Variants in ASXL2 observed in about 807,000 individuals in gnomAD.
ASXL2 encodes ASXL transcriptional regulator 2, also known as putative Polycomb group protein ASXL2.
ASXL2 carries 23 observed loss-of-function variants against 122.0 expected under a neutral mutation model. The ratio of observed to expected loss-of-function variants is 0.19; its 90% CI spans 0.14 to 0.27. The LOEUF is 0.27. ASXL2 is among the 10% of genes least tolerant of loss of function. The pLI is 1.00. For synonymous variants in ASXL2, 650 were observed against 637.0 expected, an observed-to-expected ratio of 1.02 and a Z score of -0.31; for missense variants, 1,518 against 1,713.8, an observed-to-expected ratio of 0.89 and a Z score of 2.02.
At chr2:25,840,559 A>T (rs572217852) in intron 2 of ASXL2, among the ~76,000 whole-genome samples, 1 of 152,176 alleles carries the variant, frequency 6.6e-6, no homozygotes, top group Admixed American at 6.5e-5. Context: ...GGTAACCTCT[A>T]TTCTACTTTC....
At position 25,742,447 on chromosome 2, in the gene ASXL2, G is replaced by A. The variant is rs1228376665; in HGVS notation, c.3890C>T (p.Pro1297Leu). 5 of 1,611,582 alleles carry A rather than the reference G, an allele frequency of 3.1e-6. No homozygotes were observed. The highest frequency in any genetic ancestry group is 4.2e-6 in the Non-Finnish European group (5 of 1,178,818). ...GGGCTGGTGGGTGGGGCTGTCTGCA[G>A]GCAGAGGAAGAACAGTAGAACTGAA... Reference protein sequence around the residue: ...ELFSSTVLPLPADSPTHQPLL... With the variant: ...ELFSSTVLPLLADSPTHQPLL... The change falls in exon 13 of 13, where the codon CCT becomes CTT. Residue 1297 changes from proline (P) to leucine (L), a missense_variant. By Grantham distance (98) the Pro-to-Leu change is moderately conservative (BLOSUM62 -3). Transcript: ENST00000435504.
Position 25,780,598 on chromosome 2 carries a change from A to G in ASXL2, c.404-9058T>C, listed in dbSNP as rs114750519. ...GAAGTGAGGCCCAGGAATCTGCACC[A>G]TACGTCCTGTAGGTGATTCTGACGC... On this transcript the variant is annotated intron_variant, in intron 5 of 12. Coordinates refer to ENST00000435504, the MANE Select transcript of ASXL2 (RefSeq NM_018263.6). Among the ~76,000 whole-genome samples, 394 of 152,304 alleles carry G rather than the reference A, an allele frequency of 2.6e-3. 3 individuals carry two copies. The highest frequency in any genetic ancestry group is 9.1e-3 in the African/African-American group (377 of 41,560).
rs764223318 is a variant in ASXL2 at position 25,743,819 on chromosome 2, G to T, written c.2518C>A (p.Leu840Ile). The T allele has an allele frequency of 2.5e-6, 4 of 1,614,040 alleles. No homozygotes were observed. The highest frequency in any genetic ancestry group is 1.7e-6 in the Non-Finnish European group (2 of 1,179,890). Residue 840 changes from leucine (L) to isoleucine (I), a missense_variant, in exon 13 of 13, where the codon CTA (leucine) becomes ATA (isoleucine). Coordinates refer to ENST00000435504, the MANE Select transcript of ASXL2 (RefSeq NM_018263.6). Reference sequence around the variant, plus strand: ...TGAACAGGTGAGGCACCTGAGATTAGAGCAGGACCTGTTGGAGAAGGTGCT... The same window carrying T: ...TGAACAGGTGAGGCACCTGAGATTATAGCAGGACCTGTTGGAGAAGGTGCT... Reference protein sequence around the residue: ...EKAPSPTGPALISGASPVHCA... With the variant: ...EKAPSPTGPAIISGASPVHCA...
rs56394505 is a variant in ASXL2 at position 25,781,059 on chromosome 2, CAA to C, written c.404-9521_404-9520del. 1.6e-3 allele frequency among the ~76,000 whole-genome samples: 179 copies of C among 109,824 alleles called. 1 individual carries two copies. Among genetic ancestry groups the C allele is most frequent in the Non-Finnish European group, 2.3e-3 (124 of 54,738 alleles). The allele number at this position is 109,824 out of a possible 152,430, so 72.0% of individuals were successfully genotyped here. A position where few individuals can be genotyped will look rare whatever the true frequency, so the allele number is the denominator to read the frequency against. On this transcript the variant is annotated intron_variant, in intron 5 of 12. Coordinates refer to ENST00000435504, the MANE Select transcript of ASXL2 (RefSeq NM_018263.6). ...AGATCATGCCACTGCACTCCATCTC[CAA>C]AAAAAAAAAAAAAAAGAAAAGAAAT...
chr2:25,794,114 TAGGTTTA>T (rs1553699470), intron 5 of ASXL2, among the ~76,000 whole-genome samples: 29 of 152,186 alleles, frequency 1.9e-4, no homozygotes, highest in South Asian at 4.1e-4. Flanking sequence ...AGAAGGTAGA[TAGGTTTA>T]TGGTATTTTA....
chr2:25,826,967 A>G (rs2089385867), intron 3 of ASXL2, among the ~76,000 whole-genome samples: 1 of 147,568 alleles, frequency 6.8e-6, no homozygotes, highest in African/African-American at 2.5e-5. Context: ...GCTGAACCAC[A>G]TGTCTGCATC....
chr2:25,758,390 T>C (rs1574400209), intron 9 of ASXL2, among the ~76,000 whole-genome samples: 2 of 152,324 alleles, frequency 1.3e-5, no homozygotes, highest in Non-Finnish European at 2.9e-5. Flanking sequence ...TTAATAAACA[T>C]TCTTAAAAGT....
chr2:25,749,254 C>A (rs2087994689), intron 12 of ASXL2, among the ~76,000 whole-genome samples: 1 of 152,178 alleles, frequency 6.6e-6, no homozygotes, highest in East Asian at 1.9e-4. Flanking sequence ...GGATTGTGAT[C>A]AACTCTTCTC....
At position 25,859,012 on chromosome 2, in the gene ASXL2, C is replaced by A. The variant is rs183691817; in HGVS notation, c.58-13449G>T. 8.7e-4 allele frequency among the ~76,000 whole-genome samples: 132 copies of A among 151,748 alleles called. No individual in the cohort carries two copies. In the East Asian group the frequency reaches 0.022, roughly 25 times the overall value. On this transcript the variant is annotated intron_variant, in intron 1 of 12. Transcript: ENST00000435504. ...TATTTTTAGTAGAGACGGGGTTTCA[C>A]CATGTTGGCCAGGCTGGTCTCAAAA...
intron 9 of ASXL2, among the ~76,000 whole-genome samples, chr2:25,759,199 C>A (rs2088194749): frequency 6.6e-6 from 1 of 152,160 alleles, no homozygotes; most frequent in South Asian, 2.1e-4. Flanking sequence ...AGGTGATCTG[C>A]CCTCCTTGGC....
In ASXL2 at chr2:25,742,929, C is replaced by G; in HGVS notation, c.3408G>C (p.Glu1136Asp). 1.2e-6 allele frequency: 2 copies of G among 1,613,996 alleles called. No homozygotes were observed. The highest frequency in any genetic ancestry group is 1.7e-6 in the Non-Finnish European group (2 of 1,179,890). ...LNISTYGRGS[E>D]SFRRTHSVNP... ...TTACAGAATGGGTCCTCCTAAAGCT[C>G]TCTGAGCCCCGGCCGTAGGTAGAAA... is the stretch of plus-strand genomic sequence containing the variant. The change falls in exon 13 of 13, where the codon GAG (glutamate) becomes GAC (aspartate). Residue 1136 changes from glutamate (E) to aspartate (D), a missense_variant. Physicochemically the swap from Glu to Asp is conservative, Grantham distance 45 (BLOSUM62 2). Around this residue, in one of 8 missense-constraint regions of ASXL2, gnomAD observed 831 missense variants for 833.1 expected, o/e 1.00. Coordinates refer to ENST00000435504, the MANE Select transcript of ASXL2 (RefSeq NM_018263.6).
At chr2:25,777,338 A>T (rs1037894652) in intron 5 of ASXL2, among the ~76,000 whole-genome samples, 8 of 152,132 alleles carry the variant, frequency 5.3e-5, no homozygotes, top group African/African-American at 1.9e-4. Context: ...TATTACAAGC[A>T]GCAAATAAGA....
At position 25,737,292 on chromosome 2, in the gene ASXL2, T is replaced by C. The variant is rs2087751879; in HGVS notation, c.*4737A>G. The C allele has an allele frequency of 6.6e-6, 1 of 152,032 alleles. No homozygotes were observed. The highest frequency in any genetic ancestry group is 1.9e-4 in the East Asian group (1 of 5,196). The allele number at this position is 152,032 out of a possible 1,614,324, so 9.4% of individuals were successfully genotyped here. A position where few individuals can be genotyped will look rare whatever the true frequency, so the allele number is the denominator to read the frequency against. On this transcript the variant is annotated 3_prime_UTR_variant, in exon 13 of 13. Transcript: ENST00000435504. ...CCTAAGGCCTGGAAAGTGGTGGCAG[T>C]AAATGTCAACCACTGTGGAGAAAGG...
intron 1 of ASXL2, among the ~76,000 whole-genome samples, chr2:25,847,267 G>C (rs1012950462): frequency 6.6e-6 from 1 of 152,100 alleles, no homozygotes; most frequent in Non-Finnish European, 1.5e-5. Flanking sequence ...TGATCTCTCT[G>C]CTACATCTAA....
chr2:25,840,150 C>T (rs34146087), intron 2 of ASXL2, among the ~76,000 whole-genome samples: 1 of 152,058 alleles, frequency 6.6e-6, no homozygotes, highest in Admixed American at 6.6e-5. Context: ...TAAAATGCTG[C>T]TATGCTTTAT....
In ASXL2 at chr2:25,750,437, T is replaced by G. The variant is rs529616902; in HGVS notation, c.1143-24A>C. 6 of 1,550,366 alleles carry G rather than the reference T, an allele frequency of 3.9e-6. No homozygotes were observed. The African/African-American group carries it at 4.2e-5, about 11-fold the overall frequency. On this transcript the variant is annotated intron_variant, in intron 11 of 12. Coordinates refer to ENST00000435504, the MANE Select transcript of ASXL2 (RefSeq NM_018263.6). ...AACTAAAAAGGGGAAAAAAGAAATATTCCAGTTGAAAAATAGCCCATGTTG... is the reference window on the plus strand; with the variant it reads ...AACTAAAAAGGGGAAAAAAGAAATAGTCCAGTTGAAAAATAGCCCATGTTG...
In ASXL2 at chr2:25,741,934, C is replaced by G; in HGVS notation, c.*95G>C. ...TGTCTCTGAAGACAACTGAAACCTACTTGTTTATTTCTGTGATTCCAAAAG... is the reference window on the plus strand; with the variant it reads ...TGTCTCTGAAGACAACTGAAACCTAGTTGTTTATTTCTGTGATTCCAAAAG... On this transcript the variant is annotated 3_prime_UTR_variant, in exon 13 of 13. Transcript: ENST00000435504. 1 of 1,228,382 alleles carries G rather than the reference C, an allele frequency of 8.1e-7. No homozygotes were observed. Among genetic ancestry groups the G allele is most frequent in the South Asian group, 1.5e-5 (1 of 67,530 alleles). 76.1% of individuals were successfully genotyped at this position (1,228,382 alleles called of 1,614,324 possible). A position where few individuals can be genotyped will look rare whatever the true frequency, so the allele number is the denominator to read the frequency against.
At position 25,743,707 on chromosome 2, in the gene ASXL2, C is replaced by T. The variant is rs1360917275; in HGVS notation, c.2630G>A (p.Ser877Asn). ...NPSASSKTDA[S>N]VPVAVTPSPL... ...GGAGGGAGTTACAGCCACTGGCACA[C>T]TAGCATCTGTCTTTGATGAGGCTGA... is the stretch of plus-strand genomic sequence containing the variant. Residue 877 changes from serine (S) to asparagine (N), a missense_variant, in exon 13 of 13, where the codon AGT becomes AAT. Coordinates refer to ENST00000435504, the MANE Select transcript of ASXL2 (RefSeq NM_018263.6). 1 of 1,614,018 alleles carries T rather than the reference C, an allele frequency of 6.2e-7. No individual in the cohort carries two copies. The highest frequency in any genetic ancestry group is 1.1e-5 in the South Asian group (1 of 91,084).
chr2:25,804,445 G>C (rs1457365541), intron 4 of ASXL2, among the ~76,000 whole-genome samples: 4 of 152,220 alleles, frequency 2.6e-5, no homozygotes, highest in African/African-American at 9.6e-5. Flanking sequence ...AGCCAAATCA[G>C]AATAAAGTCA....
Sources: allele counts gnomAD v4.1 joint callset (sites outside exome capture counted in the v4.1 genomes callset), GRCh38; gene constraint gnomAD v4.1.1; regional missense constraint gnomAD v4.1.1; transcripts MANE v1.5; gene names NCBI Gene and HGNC (gene_info 2026-07-23, HGNC 2026-07-21).